The following BANK1 variants were observed in gnomAD, a reference collection of about 807,000 sequenced individuals.
BANK1 encodes B-cell scaffold protein with ankyrin repeats.
BANK1 carries 95 observed loss-of-function variants against 94.5 expected under a neutral mutation model. The ratio of observed to expected loss-of-function variants is 1.00; its 90% CI spans 0.85 to 1.19. The LOEUF (loss-of-function observed/expected upper bound fraction) is 1.19, where lower values mean the gene tolerates loss of function less well. Ranked by LOEUF, BANK1 falls within the 50% of genes most tolerant of loss-of-function variation. The probability of loss-of-function intolerance (pLI) is 0.00; values close to 1 mark genes in which losing one functional copy is unlikely to be tolerated. For synonymous variants in BANK1, 334 were observed against 308.4 expected (o/e 1.08, Z -0.87); for missense variants, 987 against 932.2 (o/e 1.06, Z -0.77).
chr4:101,835,282 T>C (rs1480589126), intron 2 of BANK1, among the ~76,000 whole-genome samples: 1 of 152,232 alleles, frequency 6.6e-6, no homozygotes, highest in Non-Finnish European at 1.5e-5. Flanking sequence ...CTTCTGGTTT[T>C]CAGGATCCTG....
intron 5 of BANK1, among the ~76,000 whole-genome samples, chr4:101,873,183 G>A (rs966423424): frequency 3.9e-5 from 6 of 152,044 alleles, no homozygotes; most frequent in African/African-American, 1.4e-4. Context: ...AAAACACAAT[G>A]TAAATTGTAA....
intron 2 of BANK1, among the ~76,000 whole-genome samples, chr4:101,846,962 A>G (rs1247492894): frequency 6.6e-6 from 1 of 152,110 alleles, no homozygotes; most frequent in Non-Finnish European, 1.5e-5. Flanking sequence ...TTCCTTATTA[A>G]AAATGGCAAC....
chr4:102,069,837 C>T (rs1039390350), intron 13 of BANK1, among the ~76,000 whole-genome samples: 26 of 152,226 alleles, frequency 1.7e-4, no homozygotes, highest in Admixed American at 2.6e-4. Context: ...ACAAACATTA[C>T]ACATACTGAG....
At chr4:101,993,625 A>T (rs147171435) in intron 7 of BANK1, among the ~76,000 whole-genome samples, 1 of 152,170 alleles carries the variant, frequency 6.6e-6, no homozygotes, top group Non-Finnish European at 1.5e-5. Context: ...ATGATATTTT[A>T]TTATCTCTGT....
chr4:102,063,861 C>A (rs1728506322), intron 13 of BANK1, among the ~76,000 whole-genome samples: 2 of 150,784 alleles, frequency 1.3e-5, no homozygotes, highest in Non-Finnish European at 1.5e-5. Context: ...AAGAGACATG[C>A]TTTTTAATAA....
At chr4:101,979,052 A>G (rs1725236256) in intron 7 of BANK1, among the ~76,000 whole-genome samples, 1 of 152,034 alleles carries the variant, frequency 6.6e-6, no homozygotes, top group Non-Finnish European at 1.5e-5. Flanking sequence ...AGTATAGGAC[A>G]TGCATAAAGA....
At chr4:101,905,067 G>C (rs529716279) in intron 6 of BANK1, among the ~76,000 whole-genome samples, 4 of 152,234 alleles carry the variant, frequency 2.6e-5, no homozygotes, top group Admixed American at 1.3e-4. Context: ...TTCCACAAAT[G>C]GCACAATCAG....
At chr4:101,868,668 T>C (rs1728166164) in intron 4 of BANK1, among the ~76,000 whole-genome samples, 1 of 151,956 alleles carries the variant, frequency 6.6e-6, no homozygotes, top group Admixed American at 6.6e-5. Context: ...CTTACATTAA[T>C]TGGATTTTAT....
intron 10 of BANK1, among the ~76,000 whole-genome samples, chr4:102,042,819 C>G (rs1335169250): frequency 1.3e-5 from 2 of 151,890 alleles, no homozygotes; most frequent in Admixed American, 6.6e-5. Context: ...TTTTAATCCT[C>G]TCCCTCTATC....
chr4:102,041,863 T>G (rs568382529), intron 10 of BANK1, among the ~76,000 whole-genome samples: 48 of 152,186 alleles, frequency 3.2e-4, no homozygotes, highest in African/African-American at 9.9e-4. Context: ...GCTGAGCATT[T>G]GTTATCAGCA....
rs1560682317 is a variant in BANK1, at chr4:102,007,146, T to TATA, written c.1207-14368_1207-14367insATA. Among the ~76,000 whole-genome samples, 223 of 38,050 alleles carry TATA rather than the reference T, an allele frequency of 5.9e-3. 14 individuals are homozygous for TATA. The highest frequency in any genetic ancestry group is 9.8e-3 in the Non-Finnish European group (144 of 14,764). 25.0% of individuals were successfully genotyped at this position (38,050 alleles called of 152,430 possible). A position where few individuals can be genotyped will look rare whatever the true frequency, so the allele number is the denominator to read the frequency against. On this transcript the variant is annotated intron_variant, in intron 7 of 16. Coordinates refer to ENST00000322953, the MANE Select transcript of BANK1 (RefSeq NM_017935.5). ...TTTATATATATATAAAAAATATATT[T>TATA]TATATATATATATATATATATATAA...
chr4:101,836,443 G>A lies in BANK1; in HGVS notation c.469+6237G>A, dbSNP rs1484296387. 2.0e-5 allele frequency among the ~76,000 whole-genome samples: 3 copies of A among 152,148 alleles called. 1 individual carries two copies. The East Asian group carries it at 5.8e-4, about 29-fold the overall frequency. On this transcript the variant is annotated intron_variant, in intron 2 of 16. Coordinates refer to ENST00000322953, the MANE Select transcript of BANK1 (RefSeq NM_017935.5). ...TGCCGTGAGCCCAGATGGTGCCACT[G>A]CACTCCAACCTGGGCGACAGAGCGA...
intron 7 of BANK1, among the ~76,000 whole-genome samples, chr4:101,985,758 T>TA (rs1331681254): frequency 1.3e-5 from 2 of 152,060 alleles, no homozygotes; most frequent in Non-Finnish European, 2.9e-5. Flanking sequence ...TTAAAAAAAA[T>TA]AAAAATCTAC....
At chr4:101,811,169 A>G (rs983284709) in intron 1 of BANK1, among the ~76,000 whole-genome samples, 1 of 152,172 alleles carries the variant, frequency 6.6e-6, no homozygotes, top group African/African-American at 2.4e-5. Context: ...TCCATTAAAT[A>G]AGGCCCCATT....
chr4:101,873,003 A>T (rs188318237), intron 5 of BANK1, among the ~76,000 whole-genome samples: 1 of 152,042 alleles, frequency 6.6e-6, no homozygotes, highest in East Asian at 1.9e-4. Context: ...CTAAAGAAAA[A>T]AAAAAAAAGA....
intron 12 of BANK1, 93 bp downstream of exon 12, chr4:102,060,482 G>T: frequency 1.5e-6 from 2 of 1,358,594 alleles, no homozygotes. Flanking sequence ...ACAGGTAACT[G>T]TTCTTTCATT....
chr4:102,039,192 G>A (rs1055132207), intron 10 of BANK1, among the ~76,000 whole-genome samples: 1 of 152,100 alleles, frequency 6.6e-6, no homozygotes, highest in Non-Finnish European at 1.5e-5. Context: ...GGCTGATGTG[G>A]CTGTCTGTGT....
At chr4:101,981,185 C>T (rs1328724485) in intron 7 of BANK1, among the ~76,000 whole-genome samples, 1 of 152,012 alleles carries the variant, frequency 6.6e-6, no homozygotes, top group African/African-American at 2.4e-5. Flanking sequence ...TCCCATTGAG[C>T]CTGATACTCT....
intron 10 of BANK1, among the ~76,000 whole-genome samples, chr4:102,032,847 T>C (rs953020817): frequency 4.6e-5 from 7 of 150,778 alleles, no homozygotes; most frequent in Non-Finnish European, 1.0e-4. Context: ...ATCGCACCAC[T>C]CCACTCCAGC....
Sources: gnomAD v4.1 joint callset for allele counts (sites outside exome capture counted in the v4.1 genomes callset) on GRCh38, gnomAD v4.1.1 for gene constraint, MANE v1.5 for transcripts, NCBI Gene and HGNC (gene_info 2026-07-23, HGNC 2026-07-21) for gene names.